The following PIGR variants were observed in gnomAD, a reference collection of about 807,000 sequenced individuals.
PIGR encodes polymeric immunoglobulin receptor.
A neutral mutation model predicts 69.5 loss-of-function variants in PIGR; 22 were observed. The observed-to-expected ratio is 0.32, with a 90% confidence interval of 0.23 to 0.45. PIGR has a LOEUF of 0.45. PIGR is among the 20% of genes least tolerant of loss of function. The pLI is 1.00. For synonymous variants in PIGR, 413 were observed against 407.6 expected, an observed-to-expected ratio of 1.01 and a Z score of -0.16; for missense variants, 885 against 974.0, an observed-to-expected ratio of 0.91 and a Z score of 1.22.
Position 206,934,545 on chromosome 1 carries a change from A to C in PIGR, c.1580T>G (p.Val527Gly). The C allele has an allele frequency of 6.2e-7, 1 of 1,614,238 alleles. No homozygotes were observed. Residue 527 changes from valine to glycine, a missense_variant, in exon 6 of 11, where the codon GTC (valine) becomes GGC (glycine). Coordinates refer to ENST00000356495, the MANE Select transcript of PIGR (RefSeq NM_002644.4). Reference sequence around the variant, plus strand: ...GGTCACCAGGTTCAGGGTCAGGGAGACAAGCCGGCTGTTCTCGTCACAGTT... The same window carrying C: ...GGTCACCAGGTTCAGGGTCAGGGAGCCAAGCCGGCTGTTCTCGTCACAGTT... ...FVNCDENSRL[V>G]SLTLNLVTRA...
intron 1 of PIGR, among the ~76,000 whole-genome samples, chr1:206,941,107 C>T (rs1341219868): frequency 2.0e-5 from 3 of 152,222 alleles, no homozygotes; most frequent in Non-Finnish European, 4.4e-5. Context: ...TGATTGCTCC[C>T]TTATTCTGTC....
rs752654702 is a variant in PIGR at position 206,933,086 on chromosome 1, T to C, written c.1786A>G (p.Asn596Asp). 6.2e-7 allele frequency: 1 copy of C among 1,614,198 alleles called. No individual in the cohort carries two copies. Among genetic ancestry groups the C allele is most frequent in the Admixed American group, 1.7e-5 (1 of 60,030 alleles). The change falls in exon 7 of 11, where the codon AAC becomes GAC. Residue 596 changes from asparagine (N) to aspartate (D), a missense_variant. Transcript: ENST00000356495. ...AGCCTGGGATCCTGAATGGCTTTGTTCTCAATCTCCCGAAAACCAGAGTCT... is the reference window on the plus strand; with the variant it reads ...AGCCTGGGATCCTGAATGGCTTTGTCCTCAATCTCCCGAAAACCAGAGTCT... ...VLDSGFREIE[N>D]KAIQDPRLFA...
At chr1:206,942,688 A>G (rs1680011955) in intron 1 of PIGR, among the ~76,000 whole-genome samples, 2 of 152,172 alleles carry the variant, frequency 1.3e-5, no homozygotes, top group Admixed American at 6.5e-5. Context: ...AGCTTCTCCA[A>G]GGTGAAGACC....
At position 206,935,464 on chromosome 1, in the gene PIGR, C is replaced by A; in HGVS notation, c.1378+22G>T. The A allele has an allele frequency of 1.3e-6, 2 of 1,584,324 alleles. No individual in the cohort carries two copies. The highest frequency in any genetic ancestry group is 2.2e-5 in the South Asian group (2 of 89,256). On this transcript the variant is annotated intron_variant, in intron 5 of 10. Transcript: ENST00000356495. The surrounding 1 kb of genome is among the most constrained non-coding windows in gnomAD (Gnocchi z 4.4). The stretch of plus-strand genomic sequence containing the variant: ...CTGGCTGGAGAGGTTTTAGAGCTTT[C>A]TCCCTCCCTGTCAACTCCTACCTTC...
chr1:206,931,353 C>T (rs1298828948), intron 10 of PIGR, 144 bp downstream of exon 10: 4 of 1,550,108 alleles, frequency 2.6e-6, no homozygotes, highest in Non-Finnish European at 1.7e-6. Flanking sequence ...TCAAAAAGTC[C>T]TGAGGACTCC....
At position 206,935,625 on chromosome 1, in the gene PIGR, G is replaced by T. The variant is rs1469000321; in HGVS notation, c.1239C>A (p.Leu413=). The change falls in exon 5 of 11, where the codon CTC becomes CTA. Residue 413 remains leucine, a synonymous_variant. Transcript: ENST00000356495. This position sits in a 1 kb window ranked among gnomAD's most constrained non-coding sequence, Gnocchi z 4.4. ...GWVKAQYEGR[L]SLLEEPGNGT... Reference sequence around the variant, plus strand: ...CGTTGCCTGGCTCCTCCAGCAGGGAGAGGCGGCCCTCGTACTGGGCCTTAA... The same window carrying T: ...CGTTGCCTGGCTCCTCCAGCAGGGATAGGCGGCCCTCGTACTGGGCCTTAA... The T allele has an allele frequency of 6.2e-7, 1 of 1,614,200 alleles. No individual in the cohort carries two copies.
intron 1 of PIGR, among the ~76,000 whole-genome samples, chr1:206,945,240 C>T (rs143481266): frequency 4.0e-4 from 61 of 152,318 alleles, no homozygotes; most frequent in African/African-American, 1.4e-3. Context: ...TTGGCATCTC[C>T]TCTCCAGATG....
Position 206,932,592 on chromosome 1 carries a change from A to G in PIGR, c.1887-15T>C. The G allele has an allele frequency of 6.2e-7, 1 of 1,603,572 alleles. No homozygotes were observed. Among genetic ancestry groups the G allele is most frequent in the Non-Finnish European group, 8.5e-7 (1 of 1,174,988 alleles). ...GTTCCTCAGAGCTGGAAGAAGGCTT[A>G]AGTTAGTTCATCCCTGGAAGGGAGA... On this transcript the variant is annotated splice_polypyrimidine_tract_variant and intron_variant, in intron 7 of 10. Transcript: ENST00000356495.
chr1:206,936,198 C>T (rs1362597771), intron 4 of PIGR, among the ~76,000 whole-genome samples: 1 of 152,166 alleles, frequency 6.6e-6, no homozygotes, highest in African/African-American at 2.4e-5. Context: ...ACAAAAGTGG[C>T]CCAATGGATT....
chr1:206,932,328 G>T, intron 8 of PIGR, 128 bp downstream of exon 8: 1 of 1,143,520 alleles, frequency 8.7e-7, no homozygotes, highest in Non-Finnish European at 1.2e-6. Flanking sequence ...TCCCCATCCT[G>T]CTTTCTCGGG....
In PIGR at chr1:206,935,504, C is replaced by T. The variant is rs1237153201; in HGVS notation, c.1360G>A (p.Glu454Lys). The T allele has an allele frequency of 6.2e-7, 1 of 1,613,388 alleles. No homozygotes were observed. Among genetic ancestry groups the T allele is most frequent in the Non-Finnish European group, 8.5e-7 (1 of 1,179,460 alleles). ...CTCCTACCTTCGATAATCTTGATCT[C>T]CACGGTGGTCCTCCAGAGAGTATCG... ...NGDTLWRTTV[E>K]IKIIEGEPNL... The change falls in exon 5 of 11, where the codon GAG becomes AAG. Residue 454 changes from glutamate to lysine, a missense_variant. Glu to Lys is a moderately conservative substitution (Grantham distance 56). Transcript: ENST00000356495. This position sits in a 1 kb window ranked among gnomAD's most constrained non-coding sequence, Gnocchi z 4.4.
chr1:206,946,060 A>G (rs566228012), intron 1 of PIGR, among the ~76,000 whole-genome samples: 39 of 152,240 alleles, frequency 2.6e-4, no homozygotes, highest in Non-Finnish European at 5.3e-4. Flanking sequence ...CTGAAAGAGT[A>G]GAATTACATA....
chr1:206,932,389 G>A, intron 8 of PIGR, 67 bp downstream of exon 8: 2 of 1,505,542 alleles, frequency 1.3e-6, no homozygotes, highest in Non-Finnish European at 1.8e-6. Flanking sequence ...CTTCCTCTAT[G>A]GGTGGATGAT....
At chr1:206,937,065 C>G in intron 4 of PIGR, 30 bp downstream of exon 4, 1 of 1,522,664 alleles carries the variant, frequency 6.6e-7, no homozygotes, top group Non-Finnish European at 8.8e-7. Context: ...GACTGCCCCA[C>G]CTACTCCCCC....
Position 206,934,458 on chromosome 1 carries a change from G to T in PIGR, c.1667C>A (p.Ala556Glu), listed in dbSNP as rs1679824323. The change falls in exon 6 of 11, where the codon GCA (alanine) becomes GAA (glutamate). Residue 556 changes from alanine (A) to glutamate (E), a missense_variant. Coordinates refer to ENST00000356495, the MANE Select transcript of PIGR (RefSeq NM_002644.4). Reference sequence around the variant, plus strand: ...CTCTTCAACTGCCACATAGACGGCTGCAGTCTCTCCATAGAAGTGGCCCTG... The same window carrying T: ...CTCTTCAACTGCCACATAGACGGCTTCAGTCTCTCCATAGAAGTGGCCCTG... ...VKQGHFYGET[A>E]AVYVAVEERK... 2 of 1,614,082 alleles carry T rather than the reference G, an allele frequency of 1.2e-6. No homozygotes were observed. Among genetic ancestry groups the T allele is most frequent in the Non-Finnish European group, 1.7e-6 (2 of 1,179,984 alleles).
Position 206,937,130 on chromosome 1 carries a change from G to A in PIGR, c.1010C>T (p.Ser337Leu), listed in dbSNP as rs748290313. 1.6e-5 allele frequency: 26 copies of A among 1,610,214 alleles called. No homozygotes were observed. The Middle Eastern group carries it at 2.6e-3, about 164-fold the overall frequency. Residue 337 changes from serine (S) to leucine (L), a missense_variant, in exon 4 of 11, where the codon TCG becomes TTG. Transcript: ENST00000356495. ...AHSDGQLQEG[S>L]PIQAWQLFVN... ...GAAGAGTTGCCAGGCCTGGATAGGC[G>A]AGCCTTCCTGCAGCTGACCATCCGA... is the stretch of plus-strand genomic sequence containing the variant.
chr1:206,932,850 C>T, intron 7 of PIGR, 136 bp downstream of exon 7: 1 of 898,458 alleles, frequency 1.1e-6, no homozygotes. Context: ...GACCCTCCCA[C>T]ATATAAGCAG....
intron 7 of PIGR, 24 bp from the exon 8 acceptor site, chr1:206,932,601 C>G: frequency 6.3e-7 from 1 of 1,598,322 alleles, no homozygotes; most frequent in Non-Finnish European, 8.5e-7. Context: ...TAAGTTAGTT[C>G]ATCCCTGGAA....
intron 3 of PIGR, 24 bp downstream of exon 3, chr1:206,939,095 A>G: frequency 6.4e-7 from 1 of 1,570,954 alleles, no homozygotes; most frequent in Non-Finnish European, 8.7e-7. Context: ...TTCCCCCAGA[A>G]GCCCAAGGAG....
Sources: allele counts gnomAD v4.1 joint callset (sites outside exome capture counted in the v4.1 genomes callset), GRCh38; gene constraint gnomAD v4.1.1; non-coding constraint Gnocchi (gnomAD v3.1); transcripts MANE v1.5; gene names NCBI Gene and HGNC (gene_info 2026-07-23, HGNC 2026-07-21).